Variants in CTNNA3 observed in about 807,000 individuals in gnomAD.
CTNNA3 encodes catenin alpha-3.
Under a neutral mutation model 95.7 loss-of-function variants are expected in CTNNA3, and 76 were observed. That is an observed-to-expected ratio of 0.79 (90% CI 0.66 to 0.96). The LOEUF (loss-of-function observed/expected upper bound fraction) is 0.96. CTNNA3 is among the 40% of genes least tolerant of loss of function. The pLI is 0.00. For missense variants in CTNNA3, 1,191 were observed against 1,089.8 expected, an observed-to-expected ratio of 1.09 and a Z score of -1.31; for synonymous variants, 431 against 374.4, an observed-to-expected ratio of 1.15 and a Z score of -1.74.
Position 67,489,805 on chromosome 10 carries a change from T to TATATATATATATATATATAC in CTNNA3, c.579+32036_579+32037insGTATATATATATATATATAT, listed in dbSNP as rs927605119. ...ACATGATTTTATATATATATATATA[T>TATATATATATATATATATAC]ACACACATTAGGTGTGTGTATATAC... On this transcript the variant is annotated intron_variant, in intron 5 of 17. Transcript: ENST00000433211. Among the ~76,000 whole-genome samples the TATATATATATATATATATAC allele has an allele frequency of 1.3e-3, 189 of 148,918 alleles. 1 individual carries two copies. The highest frequency in any genetic ancestry group is 4.6e-3 in the African/African-American group (185 of 40,076).
At chr10:67,732,897 C>G (rs1841283783) in intron 1 of CTNNA3, among the ~76,000 whole-genome samples, 1 of 116,592 alleles carries the variant, frequency 8.6e-6, no homozygotes, top group Non-Finnish European at 1.6e-5. Context: ...CACACACACA[C>G]ACACACACAC....
intron 10 of CTNNA3, among the ~76,000 whole-genome samples, chr10:66,541,393 C>A (rs535074453): frequency 1.2e-3 from 176 of 152,232 alleles, no homozygotes; most frequent in African/African-American, 4.1e-3. Flanking sequence ...AGAAACTCAA[C>A]AATTTTTTTT....
At chr10:67,681,064 A>G (rs1840617098) in intron 1 of CTNNA3, among the ~76,000 whole-genome samples, 1 of 152,256 alleles carries the variant, frequency 6.6e-6, no homozygotes, top group Admixed American at 6.5e-5. Context: ...GAGGGTTGTA[A>G]AAGAAGAATT....
rs147270615 is a variant in CTNNA3 at position 66,781,672 on chromosome 10, A to G, written c.1048-6148T>C. Among the ~76,000 whole-genome samples the G allele has an allele frequency of 1.6e-3, 248 of 152,352 alleles. 1 individual carries two copies. The highest frequency in any genetic ancestry group is 3.1e-3 in the Non-Finnish European group (209 of 68,020). On this transcript the variant is annotated intron_variant, in intron 7 of 17. Transcript: ENST00000433211. ...TTAGCTAACAGAGGAAGTAGGATGA[A>G]GACTACAAATGTCTTGAACTTTTGT...
chr10:66,098,433 A>G (rs1033160657), intron 14 of CTNNA3, among the ~76,000 whole-genome samples: 1 of 152,212 alleles, frequency 6.6e-6, no homozygotes, highest in African/African-American at 2.4e-5. Flanking sequence ...ATAACAAAAA[A>G]TAAGCTCCAG....
chr10:66,364,230 A>G (rs904760968), intron 12 of CTNNA3, among the ~76,000 whole-genome samples: 6 of 151,516 alleles, frequency 4.0e-5, no homozygotes, highest in Non-Finnish European at 8.8e-5. Context: ...AGCAAAAACA[A>G]CAATAAAATC....
At chr10:65,921,688 G>A (rs2077088962) in intron 17 of CTNNA3, among the ~76,000 whole-genome samples, 1 of 152,198 alleles carries the variant, frequency 6.6e-6, no homozygotes, top group South Asian at 2.1e-4. Context: ...GAACTGCCAT[G>A]CCAACTGCTT....
At chr10:67,169,594 T>C (rs1861927313) in intron 7 of CTNNA3, among the ~76,000 whole-genome samples, 1 of 152,182 alleles carries the variant, frequency 6.6e-6, no homozygotes, top group Non-Finnish European at 1.5e-5. Flanking sequence ...CGATTGACTC[T>C]GGACCCCTTC....
chr10:67,437,052 G>C (rs757046668), intron 5 of CTNNA3, among the ~76,000 whole-genome samples: 1 of 152,174 alleles, frequency 6.6e-6, no homozygotes, highest in Non-Finnish European at 1.5e-5. Context: ...ATTCACAACT[G>C]CAAAATCGTG....
chr10:67,467,146 A>AT (rs1381852179), intron 5 of CTNNA3, among the ~76,000 whole-genome samples: 1 of 152,160 alleles, frequency 6.6e-6, no homozygotes, highest in African/African-American at 2.4e-5. Flanking sequence ...TCAAAAAAAA[A>AT]GAAAAAGAAA....
At chr10:67,700,185 T>A (rs1338680311), upstream of CTNNA3, among the ~76,000 whole-genome samples, 4 of 152,212 alleles carry the variant, frequency 2.6e-5, no homozygotes, top group African/African-American at 9.6e-5. Flanking sequence ...AGGCTCCACC[T>A]CTGGGGGCAG....
At chr10:65,947,217 A>G (rs1216963088) in intron 17 of CTNNA3, among the ~76,000 whole-genome samples, 1 of 152,134 alleles carries the variant, frequency 6.6e-6, no homozygotes, top group Non-Finnish European at 1.5e-5. Flanking sequence ...CTGCTAAAAC[A>G]GGAATGGACA....
chr10:66,534,469 C>CAT (rs58455418), intron 10 of CTNNA3, among the ~76,000 whole-genome samples: 24 of 146,914 alleles, frequency 1.6e-4, no homozygotes, highest in African/African-American at 5.5e-4. Flanking sequence ...TTATAAAAAT[C>CAT]ATATATATAT....
chr10:67,652,216 G>T (rs1839896760), intron 1 of CTNNA3, among the ~76,000 whole-genome samples: 1 of 152,178 alleles, frequency 6.6e-6, no homozygotes, highest in Non-Finnish European at 1.5e-5. Context: ...GGCCTAATTA[G>T]CTCCCAAAGG....
At chr10:66,753,782 A>G (rs1018296844) in intron 9 of CTNNA3, among the ~76,000 whole-genome samples, 2 of 151,988 alleles carry the variant, frequency 1.3e-5, no homozygotes, top group Non-Finnish European at 2.9e-5. Context: ...TTACAATAGC[A>G]TCAAATAGAA....
intron 17 of CTNNA3, among the ~76,000 whole-genome samples, chr10:65,931,675 G>T (rs746252944): frequency 1.3e-5 from 2 of 152,220 alleles, no homozygotes; most frequent in Non-Finnish European, 2.9e-5. Flanking sequence ...AAATATTAAA[G>T]AGTTCTGTTC....
intron 9 of CTNNA3, among the ~76,000 whole-genome samples, chr10:66,657,801 T>C (rs1367659332): frequency 6.6e-6 from 1 of 152,238 alleles, no homozygotes; most frequent in Admixed American, 6.5e-5. Flanking sequence ...CAGATAGTTT[T>C]ACTTTTTGCT....
At chr10:66,787,788 C>A (rs1057473301) in intron 7 of CTNNA3, among the ~76,000 whole-genome samples, 5 of 152,196 alleles carry the variant, frequency 3.3e-5, no homozygotes, top group African/African-American at 1.2e-4. Flanking sequence ...TTCACCACAT[C>A]CTTGCAAAAA....
intron 11 of CTNNA3, among the ~76,000 whole-genome samples, chr10:66,394,785 G>A (rs953826970): frequency 6.6e-6 from 1 of 151,830 alleles, no homozygotes. Context: ...TCAAAATACA[G>A]AACAACTTGA....
Sources: allele counts gnomAD v4.1 joint callset (sites outside exome capture counted in the v4.1 genomes callset), GRCh38; gene constraint gnomAD v4.1.1; transcripts MANE v1.5; gene names NCBI Gene and HGNC (gene_info 2026-07-23, HGNC 2026-07-21).